The following SUSD4 variants were observed in gnomAD, a reference collection of about 807,000 sequenced individuals.
The protein encoded by SUSD4 is sushi domain-containing protein 4.
In SUSD4, 41 loss-of-function variants were observed where a neutral mutation model predicts 50.5. The ratio of observed to expected loss-of-function variants is 0.81; its 90% CI spans 0.63 to 1.05. SUSD4 has a LOEUF of 1.05. SUSD4 is among the 50% of genes least tolerant of loss of function. The pLI, the probability that SUSD4 is intolerant of heterozygous loss-of-function variation, is 0.00. For synonymous variants in SUSD4, 257 were observed against 257.3 expected, an observed-to-expected ratio of 1.00 and a Z score of 0.01; for missense variants, 580 against 634.7, an observed-to-expected ratio of 0.91 and a Z score of 0.93.
intron 5 of SUSD4, among the ~76,000 whole-genome samples, chr1:223,242,121 T>C (rs1660625407): frequency 6.6e-6 from 1 of 152,104 alleles, no homozygotes; most frequent in African/African-American, 2.4e-5. Flanking sequence ...TTTGTATTTT[T>C]TTGTAGAGAC....
chr1:223,325,698 C>T (rs1666835203), intron 2 of SUSD4, among the ~76,000 whole-genome samples: 1 of 152,180 alleles, frequency 6.6e-6, no homozygotes. Flanking sequence ...TCAATGTACA[C>T]ACATCAGTAG....
chr1:223,338,517 G>A (rs1310448239), intron 2 of SUSD4, among the ~76,000 whole-genome samples: 1 of 152,214 alleles, frequency 6.6e-6, no homozygotes, highest in East Asian at 1.9e-4. Context: ...GTAAAAGGAT[G>A]CAATCAAATA....
intron 2 of SUSD4, among the ~76,000 whole-genome samples, chr1:223,310,379 T>C (rs1665801301): frequency 6.6e-6 from 1 of 152,192 alleles, no homozygotes; most frequent in African/African-American, 2.4e-5. Flanking sequence ...GGAGCACCTG[T>C]ACATGAGGCA....
rs1659584382 is a variant in SUSD4 at position 223,227,336 on chromosome 1, A to T, written c.1061+258T>A. ...CACAGCCTGTAGCCCTAACTCTGTG[A>T]TCCCATCGCTAGCCCCCCATGATGC... On this transcript the variant is annotated intron_variant, in intron 7 of 8. Transcript: ENST00000366878. The surrounding 1 kb of genome is among the most constrained non-coding windows in gnomAD (Gnocchi z 4.5). 6.6e-6 allele frequency among the ~76,000 whole-genome samples: 1 copy of T among 152,108 alleles called. No homozygotes were observed. Among genetic ancestry groups the T allele is most frequent in the Non-Finnish European group, 1.5e-5 (1 of 68,020 alleles).
chr1:223,308,100 G>A (rs952093669), intron 2 of SUSD4, among the ~76,000 whole-genome samples: 1 of 152,026 alleles, frequency 6.6e-6, no homozygotes, highest in African/African-American at 2.4e-5. Context: ...TAAGTCAAAT[G>A]GGATTTTTAT....
intron 1 of SUSD4, 117 bp from the exon 2 acceptor site, chr1:223,363,577 T>G: frequency 8.2e-7 from 1 of 1,219,312 alleles, no homozygotes. Flanking sequence ...TCCTGGTTCC[T>G]CCCCCGCGCG....
In SUSD4 at chr1:223,334,840, C is replaced by T. The variant is rs1053907565; in HGVS notation, c.148+28438G>A. On this transcript the variant is annotated intron_variant, in intron 2 of 8. Coordinates refer to ENST00000366878, the MANE Select transcript of SUSD4 (RefSeq NM_017982.4). ...CCACTTGTAGTCTTTTATCCCTCAC[C>T]CCCTTCCTACCCTTTCCCCGAGTCC... is the stretch of plus-strand genomic sequence containing the variant. Among the ~76,000 whole-genome samples, 9 of 152,154 alleles carry T rather than the reference C, an allele frequency of 5.9e-5. No individual in the cohort carries two copies. The South Asian group carries it at 1.9e-3, about 32-fold the overall frequency.
chr1:223,323,136 G>A (rs535055309), intron 2 of SUSD4, among the ~76,000 whole-genome samples: 1 of 152,038 alleles, frequency 6.6e-6, no homozygotes, highest in African/African-American at 2.4e-5. Flanking sequence ...CTTAGGGGCT[G>A]ATCTCACAAT....
At chr1:223,300,219 T>G (rs1259366567) in intron 2 of SUSD4, among the ~76,000 whole-genome samples, 3 of 152,098 alleles carry the variant, frequency 2.0e-5, no homozygotes, top group African/African-American at 7.2e-5. Context: ...TGGCACCCAT[T>G]TTCCTGCCCA....
rs968869859 is a variant in SUSD4 at position 223,231,701 on chromosome 1, C to T, written c.725-2313G>A. On this transcript the variant is annotated intron_variant, in intron 5 of 8. Coordinates refer to ENST00000366878, the MANE Select transcript of SUSD4 (RefSeq NM_017982.4). The surrounding 1 kb of genome is among the most constrained non-coding windows in gnomAD (Gnocchi z 4.2). ...GTCCTGGGAGATCCAGGGATGTGGC[C>T]GTAAGGGCTCTTCTCTCCTTGGAGG... is the stretch of plus-strand genomic sequence containing the variant. Among the ~76,000 whole-genome samples the T allele has an allele frequency of 6.6e-6, 1 of 152,202 alleles. No individual in the cohort carries two copies. Among genetic ancestry groups the T allele is most frequent in the African/African-American group, 2.4e-5 (1 of 41,454 alleles).
chr1:223,305,772 C>T (rs938672350), intron 2 of SUSD4, among the ~76,000 whole-genome samples: 5 of 152,138 alleles, frequency 3.3e-5, no homozygotes, highest in Non-Finnish European at 5.9e-5. Flanking sequence ...CACACTTAAA[C>T]CTAGTTTTTT....
intron 3 of SUSD4, among the ~76,000 whole-genome samples, chr1:223,281,261 G>A (rs1663702827): frequency 6.6e-6 from 1 of 151,946 alleles, no homozygotes; most frequent in Non-Finnish European, 1.5e-5. Context: ...AGGAAATAGA[G>A]GCACAAAAAA....
chr1:223,321,339 A>T (rs991544268), intron 2 of SUSD4, among the ~76,000 whole-genome samples: 2 of 152,200 alleles, frequency 1.3e-5, no homozygotes, highest in African/African-American at 4.8e-5. Flanking sequence ...GGGGCAAGTC[A>T]ATGAACCTCT....
rs1413374718 is a variant in SUSD4 at position 223,291,070 on chromosome 1, T to A, written c.361+1369A>T. Among the ~76,000 whole-genome samples the A allele has an allele frequency of 2.0e-5, 3 of 152,216 alleles. No homozygotes were observed. The South Asian group carries it at 6.2e-4, about 32-fold the overall frequency. On this transcript the variant is annotated intron_variant, in intron 3 of 8. Transcript: ENST00000366878. ...TATTTTTAAAAACCTTAAGTCTTTA[T>A]TATATTTATTATGGCTTTTTCTTAT...
At chr1:223,348,201 T>C (rs1668149692) in intron 2 of SUSD4, among the ~76,000 whole-genome samples, 1 of 152,204 alleles carries the variant, frequency 6.6e-6, no homozygotes, top group Non-Finnish European at 1.5e-5. Context: ...AATGCTTCAA[T>C]ATGTCATAAC....
chr1:223,251,565 C>T (rs566869489), intron 5 of SUSD4, among the ~76,000 whole-genome samples: 20 of 152,286 alleles, frequency 1.3e-4, no homozygotes, highest in Non-Finnish European at 2.2e-4. Flanking sequence ...GAAGAAGAGG[C>T]AACAAAGGAC....
At chr1:223,253,102 A>G (rs534517964) in intron 5 of SUSD4, among the ~76,000 whole-genome samples, 2 of 152,112 alleles carry the variant, frequency 1.3e-5, no homozygotes, top group South Asian at 2.1e-4. Context: ...CCAAAAAAAA[A>G]AAAGAAAAAG....
intron 4 of SUSD4, among the ~76,000 whole-genome samples, chr1:223,266,398 G>A (rs935093894): frequency 6.6e-6 from 1 of 152,180 alleles, no homozygotes. Context: ...GCACATTAAC[G>A]TGAACAAGTG....
chr1:223,317,851 C>CTTTTTTTTTT (rs1172641015), intron 2 of SUSD4, among the ~76,000 whole-genome samples: 37 of 100,728 alleles, frequency 3.7e-4, no homozygotes, highest in East Asian at 5.9e-4. Flanking sequence ...TTTTTTTTTT[C>CTTTTTTTTTT]TTTTTTTTTT....
Sources: allele counts gnomAD v4.1 joint callset (sites outside exome capture counted in the v4.1 genomes callset), GRCh38; gene constraint gnomAD v4.1.1; non-coding constraint Gnocchi (gnomAD v3.1); transcripts MANE v1.5; gene names NCBI Gene and HGNC (gene_info 2026-07-23, HGNC 2026-07-21).